Variants in TLN2 observed in about 807,000 individuals in gnomAD.
The protein encoded by TLN2 is talin-2.
TLN2 carries 118 observed loss-of-function variants against 294.7 expected under a neutral mutation model. The observed-to-expected ratio is 0.40, with a 90% CI of 0.34 to 0.47. The LOEUF (loss-of-function observed/expected upper bound fraction) is 0.47, where lower values mean the gene tolerates loss of function less well. Ranked by LOEUF, TLN2 falls within the 20% of genes least tolerant of loss-of-function variation. The probability of loss-of-function intolerance (pLI) is 0.84; values close to 1 mark genes in which losing one functional copy is unlikely to be tolerated. For synonymous variants in TLN2, 1,431 were observed against 1,304.5 expected (o/e 1.10, Z -2.09); for missense variants, 3,083 against 3,282.2 (o/e 0.94, Z 1.48).
chr15:62,623,322 C>T (rs996908669), intron 3 of TLN2, among the ~76,000 whole-genome samples: 1 of 152,186 alleles, frequency 6.6e-6, no homozygotes, highest in African/African-American at 2.4e-5. Flanking sequence ...TTGACAAATG[C>T]AGGAAATCAT....
intron 1 of TLN2, among the ~76,000 whole-genome samples, chr15:62,447,654 C>T (rs531280493): frequency 2.9e-4 from 44 of 152,084 alleles, no homozygotes; most frequent in African/African-American, 8.9e-4. Context: ...CCACCACGCC[C>T]GGCTAATTTT....
At chr15:62,476,009 C>A (rs2037764208) in intron 1 of TLN2, among the ~76,000 whole-genome samples, 1 of 152,210 alleles carries the variant, frequency 6.6e-6, no homozygotes, top group East Asian at 1.9e-4. Flanking sequence ...TGGCTTTTCT[C>A]ATCTGTGAAA....
chr15:62,563,858 G>C (rs1341495977), intron 1 of TLN2, among the ~76,000 whole-genome samples: 1 of 152,154 alleles, frequency 6.6e-6, no homozygotes, highest in African/African-American at 2.4e-5. Context: ...AAAGCCCCCA[G>C]TGTGCATCAC....
At chr15:62,578,723 C>T (rs999360065) in intron 1 of TLN2, among the ~76,000 whole-genome samples, 6 of 152,078 alleles carry the variant, frequency 3.9e-5, no homozygotes, top group Non-Finnish European at 7.3e-5. Flanking sequence ...GTAAAGTCCA[C>T]ATTTATTGCA....
intron 1 of TLN2, among the ~76,000 whole-genome samples, chr15:62,467,549 G>A (rs1200403021): frequency 1.3e-5 from 2 of 152,102 alleles, no homozygotes; most frequent in Non-Finnish European, 2.9e-5. Context: ...GAAATTAGCC[G>A]TGCATGGTGG....
chr15:62,747,301 A>G (rs1249562497), intron 32 of TLN2, among the ~76,000 whole-genome samples: 3 of 152,212 alleles, frequency 2.0e-5, no homozygotes, highest in Non-Finnish European at 1.5e-5. Flanking sequence ...GTATCTACTT[A>G]TGGGCTACCT....
chr15:62,750,615 G>A (rs530324701), intron 34 of TLN2, 124 bp downstream of exon 34: 2 of 798,458 alleles, frequency 2.5e-6, no homozygotes, highest in African/African-American at 3.4e-5. Flanking sequence ...GTAGCATGAA[G>A]CCTATTTGTG....
chr15:62,430,395 A>C (rs2034949534), intron 1 of TLN2, among the ~76,000 whole-genome samples: 1 of 152,226 alleles, frequency 6.6e-6, no homozygotes, highest in Admixed American at 6.5e-5. Context: ...TTTCTGTCCA[A>C]ACTCTTCCCG....
intron 9 of TLN2, among the ~76,000 whole-genome samples, chr15:62,659,945 A>T (rs1023568722): frequency 6.6e-6 from 1 of 152,226 alleles, no homozygotes; most frequent in African/African-American, 2.4e-5. Context: ...TTGGATAGTC[A>T]GGTCCTGTTT....
intron 52 of TLN2, among the ~76,000 whole-genome samples, chr15:62,816,792 T>C (rs940167489): frequency 2.0e-5 from 3 of 152,236 alleles, no homozygotes; most frequent in Non-Finnish European, 2.9e-5. Flanking sequence ...TATGGACTGC[T>C]TAGCTACTGA....
intron 2 of TLN2, among the ~76,000 whole-genome samples, chr15:62,591,629 T>A (rs377663386): frequency 1.4e-4 from 22 of 152,194 alleles, no homozygotes; most frequent in African/African-American, 4.8e-4. Flanking sequence ...TTCCCACCAT[T>A]GTGGGGCAGC....
chr15:62,766,208 T>C, intron 40 of TLN2, 113 bp from the exon 41 acceptor site: 3 of 842,852 alleles, frequency 3.6e-6, no homozygotes, highest in Non-Finnish European at 5.5e-6. Flanking sequence ...CACGCAGGCA[T>C]TCTAATGTCT....
chr15:62,570,009 CCT>C (rs1449581547), intron 1 of TLN2, among the ~76,000 whole-genome samples: 1 of 152,042 alleles, frequency 6.6e-6, no homozygotes, highest in Non-Finnish European at 1.5e-5. Context: ...TGATAACTGT[CCT>C]CTCTCTTCCT....
At chr15:62,680,841 T>C (rs1052604608) in intron 11 of TLN2, among the ~76,000 whole-genome samples, 1 of 152,220 alleles carries the variant, frequency 6.6e-6, no homozygotes, top group Non-Finnish European at 1.5e-5. Flanking sequence ...TTTGGTTTTC[T>C]GCTCCTGTGT....
In TLN2 at chr15:62,745,891, A is replaced by G. The variant is rs1369666186; in HGVS notation, c.4026-2460A>G. ...TATGGGAATTCGTGATAGCTAAATA[A>G]TGCTTCTTAGTTCTGGATCAGTATT... On this transcript the variant is annotated intron_variant, in intron 32 of 58. Transcript: ENST00000636159. 4.6e-5 allele frequency among the ~76,000 whole-genome samples: 7 copies of G among 152,260 alleles called. No individual in the cohort carries two copies. The South Asian group carries it at 1.4e-3, about 31-fold the overall frequency.
At chr15:62,407,232 GTAT>G (rs988635280) in intron 1 of TLN2, among the ~76,000 whole-genome samples, 5 of 152,094 alleles carry the variant, frequency 3.3e-5, no homozygotes, top group Non-Finnish European at 7.4e-5. Context: ...ATCCTGTGAG[GTAT>G]TATTACTACT....
chr15:62,568,916 A>G (rs2043631604), intron 1 of TLN2, among the ~76,000 whole-genome samples: 1 of 152,154 alleles, frequency 6.6e-6, no homozygotes, highest in African/African-American at 2.4e-5. Flanking sequence ...ACATGACAAC[A>G]GCTGGTGGCT....
Position 62,800,432 on chromosome 15 carries a change from A to G in TLN2, c.6299A>G (p.Lys2100Arg), listed in dbSNP as rs771585445. 6 of 1,614,090 alleles carry G rather than the reference A, an allele frequency of 3.7e-6. No homozygotes were observed. In the Admixed American group the frequency reaches 6.7e-5, roughly 18 times the overall value. Residue 2100 changes from lysine (K) to arginine (R), a missense_variant, in exon 49 of 59, where the codon AAG (lysine) becomes AGG (arginine). Lys to Arg is a conservative substitution (Grantham distance 26). Coordinates refer to ENST00000636159, the MANE Select transcript of TLN2 (RefSeq NM_015059.3). ...KALSDLISAT[K>R]GAASKPVDDP... ...CTTTCTGATCTCATCAGTGCTACCA[A>G]GGGAGCTGCCAGCAAGCCAGTGGAC...
At chr15:62,751,570 G>A (rs2061940417) in intron 34 of TLN2, among the ~76,000 whole-genome samples, 1 of 152,176 alleles carries the variant, frequency 6.6e-6, no homozygotes. Context: ...TTCTAGACCT[G>A]GCAATACCAC....
Sources: allele counts gnomAD v4.1 joint callset (sites outside exome capture counted in the v4.1 genomes callset), GRCh38; gene constraint gnomAD v4.1.1; transcripts MANE v1.5; gene names NCBI Gene and HGNC (gene_info 2026-07-23, HGNC 2026-07-21).